The following MAP2K5 variants were observed in gnomAD, a reference collection of about 807,000 sequenced individuals.
MAP2K5 encodes the protein mitogen-activated protein kinase kinase 5.
Under a neutral mutation model 83.1 loss-of-function variants are expected in MAP2K5, and 49 were observed. That is an observed-to-expected ratio of 0.59 (90% CI 0.47 to 0.75). MAP2K5 has a LOEUF of 0.75. Among genes scored for constraint, MAP2K5 ranks in the 30% least tolerant of loss-of-function variants. The probability of loss-of-function intolerance (pLI) is 0.00; values close to 1 mark genes in which losing one functional copy is unlikely to be tolerated. For synonymous variants in MAP2K5, 202 were observed against 191.8 expected (o/e 1.05, Z -0.44); for missense variants, 457 against 557.5 (o/e 0.82, Z 1.82).
Position 67,778,011 on chromosome 15 carries a change from C to G in MAP2K5, c.1242+5259C>G, listed in dbSNP as rs1256629714. Among the ~76,000 whole-genome samples the G allele has an allele frequency of 6.6e-6, 1 of 152,152 alleles. No homozygotes were observed. The highest frequency in any genetic ancestry group is 2.4e-5 in the African/African-American group (1 of 41,434). ...TATCAGTTAAAATCAGAATAGCGCTCTTGGATTTTTTTCCTTCATGTCATC... is the reference window on the plus strand; with the variant it reads ...TATCAGTTAAAATCAGAATAGCGCTGTTGGATTTTTTTCCTTCATGTCATC... On this transcript the variant is annotated intron_variant, in intron 21 of 21. Coordinates refer to ENST00000178640, the MANE Select transcript of MAP2K5 (RefSeq NM_145160.3). The surrounding 1 kb of genome is among the most constrained non-coding windows in gnomAD (Gnocchi z 5.0).
intron 17 of MAP2K5, among the ~76,000 whole-genome samples, chr15:67,739,895 A>G (rs537027778): frequency 6.6e-6 from 1 of 152,336 alleles, no homozygotes; most frequent in East Asian, 1.9e-4. Context: ...AAAAATGTTC[A>G]GTGATATGTG....
rs369704608 is a variant in MAP2K5, at chr15:67,620,716, TA to T, written c.546-10168del. ...AAGATGAGAAGGGCTTGATTGAAGT[TA>T]AAACATTCTAAGATTTTTATATTGT... is the stretch of plus-strand genomic sequence containing the variant. On this transcript the variant is annotated intron_variant, in intron 8 of 21. Coordinates refer to ENST00000178640, the MANE Select transcript of MAP2K5 (RefSeq NM_145160.3). Among the ~76,000 whole-genome samples the T allele has an allele frequency of 1.2e-4, 18 of 152,316 alleles. No individual in the cohort carries two copies. In the East Asian group the frequency reaches 1.7e-3, roughly 15 times the overall value.
chr15:67,553,890 G>A (rs1360371146), intron 2 of MAP2K5, among the ~76,000 whole-genome samples: 4 of 135,490 alleles, frequency 3.0e-5, no homozygotes, highest in South Asian at 2.3e-4. Flanking sequence ...TCCGCAGTCC[G>A]GCCTGGGCGA....
rs2089656609 is a variant in MAP2K5, at chr15:67,748,640, T to A, written c.1134+39T>A. 1.3e-6 allele frequency: 2 copies of A among 1,591,776 alleles called. No individual in the cohort carries two copies. Among genetic ancestry groups the A allele is most frequent in the Non-Finnish European group, 1.7e-6 (2 of 1,161,702 alleles). On this transcript the variant is annotated intron_variant, in intron 19 of 21. Transcript: ENST00000178640. This position sits in a 1 kb window ranked among gnomAD's most constrained non-coding sequence, Gnocchi z 4.0. ...TTATGTGCTTTCACTCCTAAAGTCA[T>A]TCCTAATGGTGTGGAAAGCTTATAT...
rs568685758 is a variant in MAP2K5 at position 67,624,167 on chromosome 15, G to A, written c.546-6721G>A. 1.3e-4 allele frequency among the ~76,000 whole-genome samples: 20 copies of A among 151,484 alleles called. 1 individual carries two copies. The highest frequency in any genetic ancestry group is 6.8e-3 in the Middle Eastern group (2 of 292). On this transcript the variant is annotated intron_variant, in intron 8 of 21. Coordinates refer to ENST00000178640, the MANE Select transcript of MAP2K5 (RefSeq NM_145160.3). ...ATCCTGGCTAACACAGTGAAACCCC[G>A]TCTCTACTAAAAATACAAAATATTA... is the stretch of plus-strand genomic sequence containing the variant.
chr15:67,695,225 A>G (rs906387032), intron 15 of MAP2K5, among the ~76,000 whole-genome samples: 7 of 152,190 alleles, frequency 4.6e-5, no homozygotes, highest in African/African-American at 1.4e-4. Context: ...TAACCTGTAC[A>G]TTGTGCACAT....
chr15:67,686,439 C>T (rs1470296976), intron 13 of MAP2K5, among the ~76,000 whole-genome samples: 1 of 151,692 alleles, frequency 6.6e-6, no homozygotes, highest in Non-Finnish European at 1.5e-5. Context: ...AAACCCCCGT[C>T]TCACTAAAAA....
intron 3 of MAP2K5, among the ~76,000 whole-genome samples, chr15:67,575,594 A>G (rs991698031): frequency 1.8e-4 from 27 of 152,234 alleles, no homozygotes; most frequent in African/African-American, 6.3e-4. Flanking sequence ...GGTATGAGAA[A>G]TATGAGATAA....
At position 67,668,267 on chromosome 15, in the gene MAP2K5, G is replaced by A. The variant is rs1266228469; in HGVS notation, c.847+3622G>A. Among the ~76,000 whole-genome samples, 1 of 152,268 alleles carries A rather than the reference G, an allele frequency of 6.6e-6. No homozygotes were observed. The highest frequency in any genetic ancestry group is 1.9e-4 in the East Asian group (1 of 5,184). ...ACTCCAAAACCAAGCCAGGGAGAGA[G>A]TTTATTATACTTTATATTACTGAGT... On this transcript the variant is annotated intron_variant, in intron 13 of 21. Coordinates refer to ENST00000178640, the MANE Select transcript of MAP2K5 (RefSeq NM_145160.3). This position sits in a 1 kb window ranked among gnomAD's most constrained non-coding sequence, Gnocchi z 4.0.
rs1379760684 is a variant in MAP2K5 at position 67,573,955 on chromosome 15, C to T, written c.253-6799C>T. ...TTGTACATAAGGTAGATGTGTTCCTCCTCTTGCTTTTGGGAACACCCAGCT... is the reference window on the plus strand; with the variant it reads ...TTGTACATAAGGTAGATGTGTTCCTTCTCTTGCTTTTGGGAACACCCAGCT... On this transcript the variant is annotated intron_variant, in intron 3 of 21. Transcript: ENST00000178640. The surrounding 1 kb of genome is among the most constrained non-coding windows in gnomAD (Gnocchi z 4.2). Among the ~76,000 whole-genome samples the T allele has an allele frequency of 6.6e-6, 1 of 152,144 alleles. No homozygotes were observed. Among genetic ancestry groups the T allele is most frequent in the Non-Finnish European group, 1.5e-5 (1 of 68,024 alleles).
Position 67,577,465 on chromosome 15 carries a change from A to G in MAP2K5, c.253-3289A>G, listed in dbSNP as rs905962560. On this transcript the variant is annotated intron_variant, in intron 3 of 21. Transcript: ENST00000178640. The surrounding 1 kb of genome is among the most constrained non-coding windows in gnomAD (Gnocchi z 4.1). Reference sequence around the variant, plus strand: ...TAGACCTGAAGATGAAGTTATTTGGATAACTTGAAGTAATATTATGAAGGT... The same window carrying G: ...TAGACCTGAAGATGAAGTTATTTGGGTAACTTGAAGTAATATTATGAAGGT... Among the ~76,000 whole-genome samples the G allele has an allele frequency of 3.9e-5, 6 of 152,216 alleles. No homozygotes were observed. Among genetic ancestry groups the G allele is most frequent in the Non-Finnish European group, 8.8e-5 (6 of 68,034 alleles).
chr15:67,663,181 A>G (rs1405889597), intron 12 of MAP2K5, among the ~76,000 whole-genome samples: 1 of 152,224 alleles, frequency 6.6e-6, no homozygotes, highest in African/African-American at 2.4e-5. Context: ...ATCTTACATA[A>G]TCACTGATTA....
chr15:67,646,308 T>C lies in MAP2K5; in HGVS notation c.654+9T>C. The C allele has an allele frequency of 6.9e-7, 1 of 1,439,812 alleles. No individual in the cohort carries two copies. Among genetic ancestry groups the C allele is most frequent in the East Asian group, 2.3e-5 (1 of 43,212 alleles). The allele number at this position is 1,439,812 out of a possible 1,614,324, so 89.2% of individuals were successfully genotyped here. On this transcript the variant is annotated intron_variant, in intron 10 of 21. Coordinates refer to ENST00000178640, the MANE Select transcript of MAP2K5 (RefSeq NM_145160.3). ...TGGAAATTCTTTATAAGGTAATTTT[T>C]TCATAATTTTTATTTGTAAAGCATG...
rs1417897700 is a variant in MAP2K5 at position 67,668,632 on chromosome 15, C to A, written c.847+3987C>A. On this transcript the variant is annotated intron_variant, in intron 13 of 21. Coordinates refer to ENST00000178640, the MANE Select transcript of MAP2K5 (RefSeq NM_145160.3). The surrounding 1 kb of genome is among the most constrained non-coding windows in gnomAD (Gnocchi z 4.0). ...CATAGCCATCATTACCCACATCAAACATAAATACAAGATTAACACCTATGC... is the reference window on the plus strand; with the variant it reads ...CATAGCCATCATTACCCACATCAAAAATAAATACAAGATTAACACCTATGC... Among the ~76,000 whole-genome samples the A allele has an allele frequency of 2.6e-5, 4 of 152,126 alleles. No homozygotes were observed. Among genetic ancestry groups the A allele is most frequent in the African/African-American group, 7.2e-5 (3 of 41,442 alleles).
rs766998144 is a variant in MAP2K5, at chr15:67,543,359, CTT to C, written c.26_27del (p.Phe9SerfsTer17). On this transcript the variant is annotated frameshift_variant, in exon 1 of 22. Transcript: ENST00000178640. LOFTEE classifies it high-confidence loss of function. The surrounding 1 kb of genome is among the most constrained non-coding windows in gnomAD (Gnocchi z 4.3). MLWLALGP[F>X]PAMENQVLVI... ...TAATGCTGTGGCTAGCCCTTGGCCC[CTT>C]TCCTGCCATGGAGAACCAGGTGCTG... 1.2e-6 allele frequency: 2 copies of C among 1,614,244 alleles called. No homozygotes were observed. Among genetic ancestry groups the C allele is most frequent in the South Asian group, 2.2e-5 (2 of 91,090 alleles).
intron 21 of MAP2K5, among the ~76,000 whole-genome samples, chr15:67,787,241 A>C (rs1041173932): frequency 6.6e-6 from 1 of 152,206 alleles, no homozygotes; most frequent in Non-Finnish European, 1.5e-5. Context: ...CTGTTTCTCA[A>C]ATTTTGCGAA....
intron 21 of MAP2K5, among the ~76,000 whole-genome samples, chr15:67,796,263 G>A (rs889945955): frequency 3.3e-5 from 5 of 151,804 alleles, no homozygotes. Context: ...ATTGCAGTAA[G>A]GTTTCTTTAG....
chr15:67,581,830 C>T (rs2085184312), intron 4 of MAP2K5, among the ~76,000 whole-genome samples: 1 of 152,132 alleles, frequency 6.6e-6, no homozygotes, highest in South Asian at 2.1e-4. Flanking sequence ...AATAATACTG[C>T]TCTTCCAGCA....
intron 8 of MAP2K5, among the ~76,000 whole-genome samples, chr15:67,625,269 C>T (rs546088643): frequency 1.8e-4 from 27 of 152,238 alleles, no homozygotes; most frequent in African/African-American, 3.4e-4. Context: ...TTACACCAGG[C>T]GACTAACTTT....
Sources: allele counts gnomAD v4.1 joint callset (sites outside exome capture counted in the v4.1 genomes callset), GRCh38; gene constraint gnomAD v4.1.1; non-coding constraint Gnocchi (gnomAD v3.1); transcripts MANE v1.5; gene names NCBI Gene and HGNC (gene_info 2026-07-23, HGNC 2026-07-21).